ARHGEF6: variants seen among roughly 807,000 people sequenced by gnomAD.
The protein encoded by ARHGEF6 is Rac/Cdc42 guanine nucleotide exchange factor 6, also known as rho guanine nucleotide exchange factor 6.
ARHGEF6 carries 9 observed loss-of-function variants against 70.3 expected under a neutral mutation model. The ratio of observed to expected loss-of-function variants is 0.13; its 90% CI spans 0.08 to 0.22. ARHGEF6 has a LOEUF of 0.22. Ranked by LOEUF, ARHGEF6 falls within the 10% of genes least tolerant of loss-of-function variation. ARHGEF6 has a pLI of 1.00. For synonymous variants in ARHGEF6, 201 were observed against 207.8 expected, an observed-to-expected ratio of 0.97 and a Z score of 0.28; for missense variants, 470 against 563.0, an observed-to-expected ratio of 0.83 and a Z score of 1.67.
intron 21 of ARHGEF6, among the ~76,000 whole-genome samples, chrX:136,668,533 C>CTTCTTATTATTATTATTATTATTA (rs61661248): frequency 2.0e-5 from 2 of 98,461 alleles, no homozygotes; most frequent in African/African-American, 7.6e-5. Flanking sequence ...TCTTCTTCTT[C>CTTCTTATTATTATTATTATTATTA]TTATTATTAT....
intron 1 of ARHGEF6, among the ~76,000 whole-genome samples, chrX:136,780,140 G>T (rs2077435859): frequency 8.9e-6 from 1 of 111,897 alleles, no homozygotes; most frequent in African/African-American, 3.2e-5. Flanking sequence ...ATCTTGAATT[G>T]TTTTAAAGAG....
Position 136,708,765 on chromosome X carries a change from C to T in ARHGEF6, c.833G>A (p.Ser278Asn), listed in dbSNP as rs148628394. Residue 278 changes from serine (S) to asparagine (N), a missense_variant, in exon 8 of 22, where the codon AGT (serine) becomes AAT (asparagine). By Grantham distance (46) the Ser-to-Asn change is conservative. This residue lies in a region of ARHGEF6 where 379 missense variants were observed against 449.3 expected (regional missense o/e 0.84). Transcript: ENST00000250617. ...LRPLQSNNNLSTVEVTSLLGN... is the reference protein window; with the variant it reads ...LRPLQSNNNLNTVEVTSLLGN... Reference sequence around the variant, plus strand: ...CAGTAAAGATGTAACCTCCACAGTACTCAGACTGAAAAAAAAATACAGTAC... The same window carrying T: ...CAGTAAAGATGTAACCTCCACAGTATTCAGACTGAAAAAAAAATACAGTAC... The T allele has an allele frequency of 9.0e-5, 106 of 1,183,249 alleles. No individual in the cohort carries two copies. Among genetic ancestry groups the T allele is most frequent in the Non-Finnish European group, 1.1e-4 (98 of 872,856 alleles).
intron 6 of ARHGEF6, among the ~76,000 whole-genome samples, chrX:136,717,548 G>A (rs1433162892): frequency 1.8e-5 from 2 of 111,260 alleles, no homozygotes; most frequent in East Asian, 2.8e-4. Context: ...TTAGAGAAGG[G>A]ATAAGTAAAG....
chrX:136,690,826 G>C (rs941563806), intron 9 of ARHGEF6, 78 bp from the exon 10 acceptor site: 1 of 1,063,782 alleles, frequency 9.4e-7, no homozygotes, highest in Non-Finnish European at 1.3e-6. Context: ...TTATTTTACT[G>C]TATTTCACAC....
intron 6 of ARHGEF6, among the ~76,000 whole-genome samples, chrX:136,728,781 TAGA>T (rs2076896744): frequency 2.7e-5 from 3 of 109,340 alleles, no homozygotes; most frequent in South Asian, 8.3e-4. Flanking sequence ...AACAAAAAGG[TAGA>T]AGAAGGGAGA....
At chrX:136,767,023 G>T in intron 2 of ARHGEF6, 1 of 651,183 alleles carries the variant, frequency 1.5e-6, no homozygotes, top group Non-Finnish European at 1.8e-6. Flanking sequence ...CGCAGCTGGG[G>T]CTGCGAGCCA....
chrX:136,696,395 T>G lies in ARHGEF6; in HGVS notation c.1047-5647A>C, dbSNP rs752846191. 5.4e-5 allele frequency among the ~76,000 whole-genome samples: 6 copies of G among 111,177 alleles called. No individual in the cohort carries two copies. In the Admixed American group the frequency reaches 5.7e-4, roughly 11 times the overall value. ...TGGGAGGCTGAGGCAGGAGGATCAC[T>G]TAAGCCCAGGAGTTTGAGACCAGCA... On this transcript the variant is annotated intron_variant, in intron 9 of 21. Coordinates refer to ENST00000250617, the MANE Select transcript of ARHGEF6 (RefSeq NM_004840.3).
intron 7 of ARHGEF6, among the ~76,000 whole-genome samples, chrX:136,709,511 T>A (rs2076661723): frequency 8.8e-6 from 1 of 113,159 alleles, no homozygotes; most frequent in Admixed American, 9.3e-5. Context: ...GTTTCCATTT[T>A]ACAGGTGGGG....
At chrX:136,741,954 C>A (rs1461993395) in intron 5 of ARHGEF6, among the ~76,000 whole-genome samples, 1 of 111,713 alleles carries the variant, frequency 9.0e-6, no homozygotes, top group South Asian at 3.8e-4. Flanking sequence ...ATTTTCAGCT[C>A]TCAAGAGCTC....
chrX:136,672,786 C>A (rs962821270), intron 19 of ARHGEF6, among the ~76,000 whole-genome samples: 15 of 112,114 alleles, frequency 1.3e-4, no homozygotes, highest in Non-Finnish European at 2.6e-4. Context: ...CCAAACAGCT[C>A]TCCTGCACCT....
intron 1 of ARHGEF6, 22 bp downstream of exon 1, chrX:136,780,696 A>C (rs1188656970): frequency 5.8e-6 from 7 of 1,196,772 alleles, no homozygotes; most frequent in South Asian, 1.8e-5. Context: ...GCAATCCCAA[A>C]GAGACTGCAA....
chrX:136,676,542 C>T, intron 18 of ARHGEF6, 82 bp downstream of exon 18: 17 of 863,719 alleles, frequency 2.0e-5, no homozygotes, highest in Non-Finnish European at 2.7e-5. Flanking sequence ...CAATCATCTG[C>T]TTTCAAATAA....
chrX:136,763,685 C>T (rs912371116), intron 2 of ARHGEF6, among the ~76,000 whole-genome samples: 19 of 110,984 alleles, frequency 1.7e-4, no homozygotes, highest in Non-Finnish European at 2.6e-4. Flanking sequence ...ATTAGCCGGG[C>T]GTGGTGGTAT....
intron 6 of ARHGEF6, among the ~76,000 whole-genome samples, chrX:136,725,405 A>G (rs1217709777): frequency 9.7e-6 from 1 of 102,821 alleles, no homozygotes; most frequent in East Asian, 3.5e-4. Context: ...TATACTAAAT[A>G]GAACTTCTCT....
chrX:136,771,341 A>C (rs956302641), intron 2 of ARHGEF6, among the ~76,000 whole-genome samples: 1 of 112,533 alleles, frequency 8.9e-6, no homozygotes, highest in Non-Finnish European at 1.9e-5. Context: ...GAAATTGACA[A>C]GCTGATCCTA....
chrX:136,735,920 T>G (rs1036514071), intron 5 of ARHGEF6, among the ~76,000 whole-genome samples: 7 of 112,302 alleles, frequency 6.2e-5, no homozygotes, highest in African/African-American at 2.3e-4. Context: ...TATGCCTTAA[T>G]ACAAATTTAA....
chrX:136,692,194 C>T (rs1238431972), intron 9 of ARHGEF6, among the ~76,000 whole-genome samples: 1 of 111,699 alleles, frequency 9.0e-6, no homozygotes, highest in Non-Finnish European at 1.9e-5. Context: ...GAATGGCTGC[C>T]TTAATGGAGT....
intron 3 of ARHGEF6, among the ~76,000 whole-genome samples, chrX:136,745,613 C>A (rs2077088100): frequency 8.9e-6 from 1 of 111,792 alleles, no homozygotes; most frequent in African/African-American, 3.3e-5. Flanking sequence ...CCCTACAACT[C>A]TTCCCTCCTG....
chrX:136,701,834 A>C (rs1392845343), intron 9 of ARHGEF6, among the ~76,000 whole-genome samples: 1 of 103,671 alleles, frequency 9.6e-6, no homozygotes, highest in Non-Finnish European at 1.9e-5. Context: ...CAGCCTCCCT[A>C]GTAGCTGGGA....
Sources: gnomAD v4.1 joint callset for allele counts (sites outside exome capture counted in the v4.1 genomes callset) on GRCh38, gnomAD v4.1.1 for gene constraint, gnomAD v4.1.1 regional missense constraint, MANE v1.5 for transcripts, NCBI Gene and HGNC (gene_info 2026-07-23, HGNC 2026-07-21) for gene names.